Variants in NTM observed in about 807,000 individuals in gnomAD.
NTM encodes neurotrimin.
A neutral mutation model predicts 42.1 loss-of-function variants in NTM; 13 were observed. The observed-to-expected ratio is 0.31, with a 90% CI of 0.20 to 0.49. The LOEUF is 0.49. Among genes scored for constraint, NTM ranks in the 20% least tolerant of loss-of-function variants. The pLI is 0.99. For synonymous variants in NTM, 187 were observed against 179.2 expected (o/e 1.04, Z -0.35); for missense variants, 373 against 452.8 (o/e 0.82, Z 1.60).
chr11:132,176,360 A>G (rs940020966), intron 3 of NTM, among the ~76,000 whole-genome samples: 2 of 91,672 alleles, frequency 2.2e-5, no homozygotes, highest in Non-Finnish European at 5.1e-5. Flanking sequence ...TTCCAGGAAA[A>G]AAAAAAAGAA....
chr11:131,976,124 C>CTTCCTTCT (rs1565865870), intron 2 of NTM, among the ~76,000 whole-genome samples: 3 of 141,956 alleles, frequency 2.1e-5, no homozygotes, highest in Non-Finnish European at 3.1e-5. Context: ...TCATTCCTTC[C>CTTCCTTCT]TTCCTTCCTT....
intron 1 of NTM, among the ~76,000 whole-genome samples, chr11:131,896,712 G>A (rs1225945527): frequency 7.2e-6 from 1 of 138,714 alleles, no homozygotes; most frequent in Non-Finnish European, 1.5e-5. Context: ...TCTCTGAGAC[G>A]GAGTCTGGCT....
chr11:131,716,391 G>A (rs2077691034), intron 1 of NTM, among the ~76,000 whole-genome samples: 1 of 152,112 alleles, frequency 6.6e-6, no homozygotes, highest in African/African-American at 2.4e-5. Context: ...TTACTACCTA[G>A]GAGTGGAATA....
chr11:131,587,816 T>C (rs1361196878), intron 1 of NTM, among the ~76,000 whole-genome samples: 1 of 152,090 alleles, frequency 6.6e-6, no homozygotes, highest in African/African-American at 2.4e-5. Context: ...ATTACAGTAG[T>C]TGACAGCATG....
intron 2 of NTM, among the ~76,000 whole-genome samples, chr11:132,045,366 A>T (rs484414): frequency 2.0e-5 from 3 of 151,886 alleles, no homozygotes; most frequent in African/African-American, 4.8e-5. Context: ...GGAGTAAAGG[A>T]GCCTGCCCTT....
intron 1 of NTM, among the ~76,000 whole-genome samples, chr11:131,482,606 C>T (rs73588752): frequency 0.03 from 4,625 of 152,192 alleles, 224 homozygotes; most frequent in African/African-American, 0.11. Context: ...CAGGCTTGCA[C>T]GCTGCCTTGA....
chr11:132,276,643 C>T (rs1044282189), intron 4 of NTM, among the ~76,000 whole-genome samples: 2 of 152,188 alleles, frequency 1.3e-5, no homozygotes, highest in African/African-American at 4.8e-5. Flanking sequence ...CCAATTAAAA[C>T]ATTGTCTGCT....
At chr11:132,313,437 C>T (rs1270598951) in intron 6 of NTM, among the ~76,000 whole-genome samples, 1 of 152,148 alleles carries the variant, frequency 6.6e-6, no homozygotes, top group African/African-American at 2.4e-5. Flanking sequence ...AGCTTTGTGT[C>T]CATATTCCCT....
At chr11:131,967,389 G>A (rs1405704280) in intron 2 of NTM, among the ~76,000 whole-genome samples, 7 of 152,162 alleles carry the variant, frequency 4.6e-5, no homozygotes, top group Admixed American at 6.5e-5. Context: ...GGCATATCAC[G>A]GTCTCAGCTG....
intron 2 of NTM, among the ~76,000 whole-genome samples, chr11:132,067,296 T>C (rs1463514193): frequency 6.6e-6 from 1 of 152,214 alleles, no homozygotes; most frequent in Non-Finnish European, 1.5e-5. Context: ...GCCCAACCTT[T>C]GGCTTCCAAA....
rs34132358 is a variant in NTM, at chr11:131,380,212, CTTTT to C, written c.82+9339_82+9342del. 3.0e-4 allele frequency among the ~76,000 whole-genome samples: 37 copies of C among 124,646 alleles called. 1 individual carries two copies. Among genetic ancestry groups the C allele is most frequent in the Admixed American group, 1.8e-3 (22 of 12,502 alleles). The allele number at this position is 124,646 out of a possible 152,430, so 81.8% of individuals were successfully genotyped here. A position where few individuals can be genotyped will look rare whatever the true frequency, so the allele number is the denominator to read the frequency against. On this transcript the variant is annotated intron_variant, in intron 1 of 8. Coordinates refer to ENST00000683400, the MANE Select transcript of NTM (RefSeq NM_001352005.2). The stretch of plus-strand genomic sequence containing the variant: ...AAGTTCAGTACCCTTTCCTTTGAGT[CTTTT>C]TTTTTTTTTTTTTTGAGATGGAGTC...
At chr11:131,558,554 T>C (rs561416154) in intron 1 of NTM, among the ~76,000 whole-genome samples, 1 of 152,350 alleles carries the variant, frequency 6.6e-6, no homozygotes, top group African/African-American at 2.4e-5. Flanking sequence ...TAGGATTTCC[T>C]ACCTTTTTGG....
chr11:131,789,060 G>A (rs958866345), intron 1 of NTM, among the ~76,000 whole-genome samples: 19 of 152,006 alleles, frequency 1.2e-4, no homozygotes, highest in Non-Finnish European at 2.2e-4. Context: ...GTCGACTCTC[G>A]AAATCTTTCT....
intron 1 of NTM, among the ~76,000 whole-genome samples, chr11:131,751,762 CT>C (rs1400273135): frequency 6.3e-5 from 9 of 142,110 alleles, no homozygotes; most frequent in East Asian, 6.2e-4. Flanking sequence ...CCGTCCCCCC[CT>C]CACCCCCCCC....
chr11:131,844,103 C>CTTTTATTTTT (rs2044632187), intron 1 of NTM, among the ~76,000 whole-genome samples: 1 of 152,004 alleles, frequency 6.6e-6, no homozygotes, highest in Non-Finnish European at 1.5e-5. Flanking sequence ...AAATAATTTC[C>CTTTTATTTTT]TACCCGAAAA....
intron 7 of NTM, among the ~76,000 whole-genome samples, chr11:132,326,606 C>T (rs1662886242): frequency 1.3e-5 from 2 of 152,188 alleles, no homozygotes; most frequent in Admixed American, 1.3e-4. Context: ...TGTGCTCAGC[C>T]CCTCATCTCA....
At chr11:131,911,006 T>G (rs2054805867) in intron 1 of NTM, 4 of 1,003,778 alleles carry the variant, frequency 4.0e-6, no homozygotes, top group Non-Finnish European at 4.8e-6. Flanking sequence ...GCTCCGAAAC[T>G]TACAAAGTGT....
intron 2 of NTM, among the ~76,000 whole-genome samples, chr11:132,048,226 G>A (rs986340114): frequency 3.9e-5 from 6 of 152,004 alleles, no homozygotes; most frequent in East Asian, 1.9e-4. Flanking sequence ...GTGAAGGAAC[G>A]CATTGTTAGA....
chr11:131,677,572 G>A (rs1302324046), intron 1 of NTM, among the ~76,000 whole-genome samples: 1 of 152,164 alleles, frequency 6.6e-6, no homozygotes, highest in African/African-American at 2.4e-5. Context: ...GTCAAGTGGT[G>A]ATCCCTCTGT....
Sources: allele counts gnomAD v4.1 joint callset (sites outside exome capture counted in the v4.1 genomes callset), GRCh38; gene constraint gnomAD v4.1.1; transcripts MANE v1.5; gene names NCBI Gene and HGNC (gene_info 2026-07-23, HGNC 2026-07-21).